Variants in SON observed in about 807,000 individuals in gnomAD.
SON encodes the protein SON DNA and RNA binding protein, also known as protein SON.
SON carries 4 observed loss-of-function variants against 173.3 expected under a neutral mutation model. That is an observed-to-expected ratio of 0.02 (90% CI 0.01 to 0.05). The LOEUF (loss-of-function observed/expected upper bound fraction) is 0.05, where lower values mean the gene tolerates loss of function less well. Ranked by LOEUF, SON falls within the 10% of genes least tolerant of loss-of-function variation. The pLI is 1.00. For synonymous variants in SON, 1,190 were observed against 1,105.9 expected, an observed-to-expected ratio of 1.08 and a Z score of -1.51; for missense variants, 2,626 against 3,055.3, an observed-to-expected ratio of 0.86 and a Z score of 3.31.
At chr21:33,555,488 T>A in intron 3 of SON, 97 bp downstream of exon 3, 5 of 1,148,746 alleles carry the variant, frequency 4.4e-6, no homozygotes, top group Non-Finnish European at 5.9e-6. Context: ...TAGTTACTGG[T>A]TTAGGATAAA....
Position 33,554,070 on chromosome 21 carries a change from A to C in SON, c.4839A>C (p.Glu1613Asp), listed in dbSNP as rs144074002. 14 of 1,613,986 alleles carry C rather than the reference A, an allele frequency of 8.7e-6. No homozygotes were observed. In the African/African-American group the frequency reaches 1.7e-4, roughly 20 times the overall value. The change falls in exon 3 of 12, where the codon GAA (glutamate) becomes GAC (aspartate). Residue 1613 changes from glutamate (E) to aspartate (D), a missense_variant. Glu to Asp is a conservative substitution (Grantham distance 45). Around this residue, in one of 13 missense-constraint regions of SON, gnomAD observed 1,006 missense variants for 895.6 expected, o/e 1.12. Coordinates refer to ENST00000356577, the MANE Select transcript of SON (RefSeq NM_138927.4). Reference sequence around the variant, plus strand: ...CAACAGGAACTAGTAAGGGTATTGAATTTACCACAGCATCTACTCTCAGTT... The same window carrying C: ...CAACAGGAACTAGTAAGGGTATTGACTTTACCACAGCATCTACTCTCAGTT... Reference protein sequence around the residue: ...PDATGTSKGIEFTTASTLSLV... With the variant: ...PDATGTSKGIDFTTASTLSLV...
In SON at chr21:33,552,977, C is replaced by G. The variant is rs767171313; in HGVS notation, c.3746C>G (p.Pro1249Arg). The change falls in exon 3 of 12, where the codon CCA becomes CGA. Residue 1249 changes from proline (P) to arginine (R), a missense_variant. By Grantham distance (103) the Pro-to-Arg change is moderately radical. This residue lies in a region of SON where 1,006 missense variants were observed against 895.6 expected (regional missense o/e 1.12). Coordinates refer to ENST00000356577, the MANE Select transcript of SON (RefSeq NM_138927.4). This position sits in a 1 kb window ranked among gnomAD's most constrained non-coding sequence, Gnocchi z 5.6. Reference protein sequence around the residue: ...VLVSEAAVTVPEPPPEPESSI... With the variant: ...VLVSEAAVTVREPPPEPESSI... ...GTATCAGAGGCTGCTGTGACTGTTCCAGAACCACCACCAGAGCCAGAATCT... is the reference window on the plus strand; with the variant it reads ...GTATCAGAGGCTGCTGTGACTGTTCGAGAACCACCACCAGAGCCAGAATCT... 3.8e-5 allele frequency: 62 copies of G among 1,614,060 alleles called. No homozygotes were observed. Among genetic ancestry groups the G allele is most frequent in the Non-Finnish European group, 4.4e-5 (52 of 1,180,044 alleles).
At chr21:33,562,836 G>T (rs1045754063) in intron 6 of SON, among the ~76,000 whole-genome samples, 11 of 152,144 alleles carry the variant, frequency 7.2e-5, no homozygotes, top group African/African-American at 2.7e-4. Context: ...AGAAGATTAG[G>T]ATGTAATCTT....
At chr21:33,569,564 C>A in intron 8 of SON, 1 of 439,932 alleles carries the variant, frequency 2.3e-6, no homozygotes, top group South Asian at 1.7e-5. Flanking sequence ...CGCACCCCAC[C>A]CGCTTCATTA....
Position 33,552,738 on chromosome 21 carries a change from A to C in SON, c.3507A>C (p.Pro1169=). The change falls in exon 3 of 12, where the codon CCA becomes CCC. Residue 1169 remains proline, a synonymous_variant. Coordinates refer to ENST00000356577, the MANE Select transcript of SON (RefSeq NM_138927.4). The surrounding 1 kb of genome is among the most constrained non-coding windows in gnomAD (Gnocchi z 5.6). ...CACCTGAGGAGCCACCAATGACACC[A>C]CCATTGCCTCCTGAGGAACCACCAG... is the stretch of plus-strand genomic sequence containing the variant. ...PLPPEEPPMT[P]PLPPEEPPEG... 1 of 1,613,876 alleles carries C rather than the reference A, an allele frequency of 6.2e-7. No homozygotes were observed. The highest frequency in any genetic ancestry group is 8.5e-7 in the Non-Finnish European group (1 of 1,179,996).
chr21:33,550,147 C>G lies in SON; in HGVS notation c.916C>G (p.Leu306Val), dbSNP rs773707637. 2 of 1,614,090 alleles carry G rather than the reference C, an allele frequency of 1.2e-6. No individual in the cohort carries two copies. The highest frequency in any genetic ancestry group is 2.7e-5 in the African/African-American group (2 of 74,934). The change falls in exon 3 of 12, where the codon CTT becomes GTT. Residue 306 changes from leucine (L) to valine (V), a missense_variant. Physicochemically the swap from Leu to Val is conservative, Grantham distance 32 (BLOSUM62 1). Transcript: ENST00000356577. ...VAKVLEPSET[L>V]VVSSETPTEV... ...AAAAGTGTTAGAGCCTTCAGAAACC[C>G]TTGTGGTATCATCAGAGACACCTAC...
At chr21:33,543,341 CCCTT>C in intron 1 of SON, 172 bp downstream of exon 1, 1 of 633,782 alleles carries the variant, frequency 1.6e-6, no homozygotes, top group Non-Finnish European at 2.8e-6. Flanking sequence ...CCCAGCCGCT[CCCTT>C]CCTTTTCCCT....
intron 8 of SON, chr21:33,571,964 T>G (rs1446254835): frequency 1.3e-5 from 2 of 152,246 alleles, no homozygotes; most frequent in Non-Finnish European, 2.9e-5. Flanking sequence ...ACTTAATGTC[T>G]AGTCACACGT....
At chr21:33,543,363 C>T (rs962433753) in intron 1 of SON, 194 bp downstream of exon 1, 4 of 610,664 alleles carry the variant, frequency 6.6e-6, no homozygotes, top group African/African-American at 1.9e-5. Context: ...CCTCGAGGAA[C>T]TTCGCCTTTT....
chr21:33,559,893 A>C lies in SON; in HGVS notation c.6657+118A>C, dbSNP rs751666509. 1 of 1,607,852 alleles carries C rather than the reference A, an allele frequency of 6.2e-7. No homozygotes were observed. Among genetic ancestry groups the C allele is most frequent in the Non-Finnish European group, 8.5e-7 (1 of 1,175,276 alleles). On this transcript the variant is annotated intron_variant, in intron 6 of 11. Transcript: ENST00000356577. The surrounding 1 kb of genome is among the most constrained non-coding windows in gnomAD (Gnocchi z 4.1). ...TCTTCTTAGGGCCGGGTTAAACGGCAGGGCCGGGTTAGACGACAGATGAAA... is the reference window on the plus strand; with the variant it reads ...TCTTCTTAGGGCCGGGTTAAACGGCCGGGCCGGGTTAGACGACAGATGAAA...
intron 1 of SON, among the ~76,000 whole-genome samples, chr21:33,544,534 G>A (rs942097789): frequency 2.7e-5 from 4 of 150,184 alleles, no homozygotes; most frequent in African/African-American, 9.7e-5. Flanking sequence ...ATATTCTCAT[G>A]TCATTTCATT....
intron 6 of SON, chr21:33,560,768 CCTTGG>C (rs1455533724): frequency 3.6e-6 from 1 of 279,126 alleles, no homozygotes; most frequent in Non-Finnish European, 5.4e-6. Flanking sequence ...CGCCTCTTGC[CCTTGG>C]TTTCCAAAGC....
Position 33,552,402 on chromosome 21 carries a change from T to TATGATGTCAGCTTATGAACGCTCC in SON, c.3204_3227dup (p.Ala1069_Ser1076dup). 1 of 1,614,036 alleles carries TATGATGTCAGCTTATGAACGCTCC rather than the reference T, an allele frequency of 6.2e-7. No individual in the cohort carries two copies. The highest frequency in any genetic ancestry group is 1.1e-5 in the South Asian group (1 of 91,078). On this transcript the variant is annotated inframe_insertion, in exon 3 of 12. Coordinates refer to ENST00000356577, the MANE Select transcript of SON (RefSeq NM_138927.4). This position sits in a 1 kb window ranked among gnomAD's most constrained non-coding sequence, Gnocchi z 5.6. Reference sequence around the variant, plus strand: ...TGATGTCCCCTATGGCTGAGCGCTCTATGATGTCAGCTTATGAACGCTCCA... The same window carrying TATGATGTCAGCTTATGAACGCTCC: ...TGATGTCCCCTATGGCTGAGCGCTCTATGATGTCAGCTTATGAACGCTCCATGATGTCAGCTTATGAACGCTCCA...
At chr21:33,543,218 A>G (rs1405979072) in intron 1 of SON, 49 bp downstream of exon 1, 2 of 1,493,184 alleles carry the variant, frequency 1.3e-6, no homozygotes, top group East Asian at 4.5e-5. Flanking sequence ...TTAGGCCCTC[A>G]CCTAGCCTTC....
intron 8 of SON, 46 bp from the exon 9 acceptor site, chr21:33,573,262 T>A: frequency 6.6e-7 from 1 of 1,518,676 alleles, no homozygotes; most frequent in Non-Finnish European, 9.0e-7. Flanking sequence ...TGTCACCAAG[T>A]TCTAACTGTA....
In SON at chr21:33,576,687, T is replaced by C; in HGVS notation, c.*263T>C. Reference sequence around the variant, plus strand: ...AAGACATTGTGTAAAAAGCAATCTGTAAAAACATCTCCAGGCTTTGATTTT... The same window carrying C: ...AAGACATTGTGTAAAAAGCAATCTGCAAAAACATCTCCAGGCTTTGATTTT... On this transcript the variant is annotated 3_prime_UTR_variant, in exon 12 of 12. Transcript: ENST00000356577. The C allele has an allele frequency of 1.8e-6, 1 of 557,104 alleles. No homozygotes were observed. The highest frequency in any genetic ancestry group is 3.3e-6 in the Non-Finnish European group (1 of 304,070). 34.5% of individuals were successfully genotyped at this position (557,104 alleles called of 1,614,324 possible). A position where few individuals can be genotyped will look rare whatever the true frequency, so the allele number is the denominator to read the frequency against.
intron 6 of SON, among the ~76,000 whole-genome samples, chr21:33,561,337 G>A (rs535011869): frequency 6.6e-6 from 1 of 152,166 alleles, no homozygotes; most frequent in Non-Finnish European, 1.5e-5. Context: ...TCTTCTTGTA[G>A]TAGCTGAATA....
chr21:33,554,032 C>T lies in SON; in HGVS notation c.4801C>T (p.Leu1601=), dbSNP rs756126581. Residue 1601 remains leucine (L), a synonymous_variant, in exon 3 of 12, where the codon CTG becomes TTG. Coordinates refer to ENST00000356577, the MANE Select transcript of SON (RefSeq NM_138927.4). ...ETLSSTGPFA[L]EPDATGTSKG... Reference sequence around the variant, plus strand: ...TCTATCTTCTACTGGTCCTTTTGCTCTGGAACCTGATGCAACAGGAACTAG... The same window carrying T: ...TCTATCTTCTACTGGTCCTTTTGCTTTGGAACCTGATGCAACAGGAACTAG... 2 of 1,613,992 alleles carry T rather than the reference C, an allele frequency of 1.2e-6. No individual in the cohort carries two copies. The highest frequency in any genetic ancestry group is 4.5e-5 in the East Asian group (2 of 44,894).
intron 1 of SON, 48 bp downstream of exon 1, chr21:33,543,217 C>T (rs910535410): frequency 6.1e-6 from 9 of 1,481,502 alleles, no homozygotes; most frequent in Admixed American, 1.7e-5. Context: ...GTTAGGCCCT[C>T]ACCTAGCCTT....
Sources: gnomAD v4.1 joint callset for allele counts (sites outside exome capture counted in the v4.1 genomes callset) on GRCh38, gnomAD v4.1.1 for gene constraint, gnomAD v4.1.1 regional missense constraint, Gnocchi (gnomAD v3.1) non-coding constraint, MANE v1.5 for transcripts, NCBI Gene and HGNC (gene_info 2026-07-23, HGNC 2026-07-21) for gene names.